TMEM242: variants seen among roughly 807,000 people sequenced by gnomAD.
The protein encoded by TMEM242 is transmembrane protein 242.
A neutral mutation model predicts 18.2 loss-of-function variants in TMEM242; 10 were observed. The observed-to-expected ratio is 0.55, with a 90% CI of 0.34 to 0.93. TMEM242 has a LOEUF of 0.93. Among genes scored for constraint, TMEM242 ranks in the 40% least tolerant of loss-of-function variants. TMEM242 has a pLI of 0.02. For missense variants in TMEM242, 186 were observed against 175.5 expected, an observed-to-expected ratio of 1.06 and a Z score of -0.34; for synonymous variants, 57 against 69.9, an observed-to-expected ratio of 0.81 and a Z score of 0.92.
chr6:157,299,340 G>T, intron 3 of TMEM242: 1 of 955,384 alleles, frequency 1.0e-6, no homozygotes, highest in South Asian at 1.3e-5. Flanking sequence ...CATTGTTCAG[G>T]ATCTTTATCA....
chr6:157,298,764 T>A (rs758224096), intron 3 of TMEM242, among the ~76,000 whole-genome samples: 3 of 152,180 alleles, frequency 2.0e-5, no homozygotes, highest in Admixed American at 1.3e-4. Context: ...AATAAATACT[T>A]ACATCCTACT....
intron 3 of TMEM242, among the ~76,000 whole-genome samples, chr6:157,296,646 G>A (rs1777753717): frequency 6.6e-6 from 1 of 152,212 alleles, no homozygotes; most frequent in Non-Finnish European, 1.5e-5. Context: ...GCATGCCACT[G>A]CACTCCAGCC....
At chr6:157,323,365 G>C (rs587600195) in intron 1 of TMEM242, 47 bp downstream of exon 1, 1 of 1,593,358 alleles carries the variant, frequency 6.3e-7, no homozygotes, top group African/African-American at 1.3e-5. Flanking sequence ...GCCAGGGTCC[G>C]GGGTTAACTC....
intron 3 of TMEM242, among the ~76,000 whole-genome samples, chr6:157,312,624 G>A (rs1438621938): frequency 4.1e-5 from 3 of 73,478 alleles, no homozygotes; most frequent in Non-Finnish European, 5.9e-5. Context: ...CCTCACCATA[G>A]TGTCGCAGTG....
chr6:157,299,905 G>A (rs1166862332), intron 3 of TMEM242: 7 of 1,612,214 alleles, frequency 4.3e-6, no homozygotes, highest in Middle Eastern at 1.8e-4. Context: ...TGCTGGTAGC[G>A]CAGGCCATGC....
intron 3 of TMEM242, among the ~76,000 whole-genome samples, chr6:157,311,374 G>GCCC (rs1562382968): frequency 6.6e-5 from 7 of 106,282 alleles, no homozygotes; most frequent in Non-Finnish European, 1.2e-4. Context: ...TCATCATAGT[G>GCCC]TTCCAGTGTG....
In TMEM242 at chr6:157,318,882, G is replaced by C. The variant is rs782027832; in HGVS notation, c.227C>G (p.Ser76Cys). The C allele has an allele frequency of 4.3e-6, 7 of 1,610,380 alleles. No individual in the cohort carries two copies. The highest frequency in any genetic ancestry group is 5.9e-6 in the Non-Finnish European group (7 of 1,178,980). The change falls in exon 3 of 4, where the codon TCT becomes TGT. Residue 76 changes from serine to cysteine, a missense_variant. Ser to Cys is a moderately radical substitution (Grantham distance 112). Transcript: ENST00000400788. Reference sequence around the variant, plus strand: ...GCCCAGAGCTCGCAAGGCAAGGGAAGACCCGCTTTCCGGTAATGCAGCCGT... The same window carrying C: ...GCCCAGAGCTCGCAAGGCAAGGGAACACCCGCTTTCCGGTAATGCAGCCGT... The part of the protein sequence containing the change: ...MATAALPESG[S>C]SLALRALGWG...
At chr6:157,310,582 T>A (rs1778000685) in intron 3 of TMEM242, among the ~76,000 whole-genome samples, 1 of 147,814 alleles carries the variant, frequency 6.8e-6, no homozygotes, top group African/African-American at 2.7e-5. Context: ...CAGTGTGCGC[T>A]CACCCGGCCT....
rs1777656114 is a variant in TMEM242 at position 157,289,541 on chromosome 6, A to G, written c.*3360T>C. On this transcript the variant is annotated 3_prime_UTR_variant, in exon 4 of 4. Coordinates refer to ENST00000400788, the MANE Select transcript of TMEM242 (RefSeq NM_018452.6). ...TACCTGATTTTCATTTGTACTTAAC[A>G]ATTTGTCTTAAAGATGATACATAAA... is the stretch of plus-strand genomic sequence containing the variant. The G allele has an allele frequency of 6.6e-6, 1 of 152,214 alleles. No individual in the cohort carries two copies. Among genetic ancestry groups the G allele is most frequent in the Non-Finnish European group, 1.5e-5 (1 of 68,044 alleles). The allele number at this position is 152,214 out of a possible 1,614,324, so 9.4% of individuals were successfully genotyped here. A position where few individuals can be genotyped will look rare whatever the true frequency, so the allele number is the denominator to read the frequency against.
intron 3 of TMEM242, among the ~76,000 whole-genome samples, chr6:157,313,355 C>A (rs1554249721): frequency 4.0e-5 from 6 of 148,912 alleles, no homozygotes; most frequent in Admixed American, 1.3e-4. Context: ...AGTGTGCGCT[C>A]ACCTGGCCTC....
intron 3 of TMEM242, among the ~76,000 whole-genome samples, chr6:157,317,799 A>C (rs1554250479): frequency 3.9e-5 from 6 of 152,182 alleles, no homozygotes; most frequent in African/African-American, 1.4e-4. Flanking sequence ...ATGACATCCA[A>C]CTTCACTCTT....
intron 3 of TMEM242, among the ~76,000 whole-genome samples, chr6:157,313,577 G>A (rs1554249842): frequency 2.7e-5 from 4 of 149,650 alleles, no homozygotes; most frequent in African/African-American, 9.9e-5. Context: ...TCATCATAGT[G>A]TCCCAGTGTG....
chr6:157,318,478 C>G (rs1778442179), intron 3 of TMEM242: 1 of 379,704 alleles, frequency 2.6e-6, no homozygotes, highest in African/African-American at 2.1e-5. Context: ...CTGCCGCAGG[C>G]TCCCAAGGTG....
chr6:157,296,963 CT>C, intron 3 of TMEM242, among the ~76,000 whole-genome samples: 1 of 152,150 alleles, frequency 6.6e-6, no homozygotes, highest in Admixed American at 6.5e-5. Context: ...ATACAATGGC[CT>C]TTTTAGACAT....
In TMEM242 at chr6:157,304,479, AAAAAAAAAAAAAGAG is replaced by A. The variant is rs1470461007; in HGVS notation, c.328-11495_328-11481del. On this transcript the variant is annotated intron_variant, in intron 3 of 3. Transcript: ENST00000400788. ...GACTCTGTCAAAAAAAAAAAAAAAA[AAAAAAAAAAAAAGAG>A]AGAGAGAGAGAGTGCCACTGAAATG... Among the ~76,000 whole-genome samples the A allele has an allele frequency of 2.5e-4, 32 of 126,024 alleles. No individual in the cohort carries two copies. In the East Asian group the frequency reaches 4.2e-3, roughly 16 times the overall value. The allele number at this position is 126,024 out of a possible 152,430, so 82.7% of individuals were successfully genotyped here.
chr6:157,299,676 G>C, intron 3 of TMEM242: 7 of 1,610,412 alleles, frequency 4.3e-6, no homozygotes, highest in Non-Finnish European at 5.9e-6. Context: ...GCCACATTTC[G>C]CTGGACTAAA....
chr6:157,301,563 C>T (rs1478761898), intron 3 of TMEM242, among the ~76,000 whole-genome samples: 4 of 152,274 alleles, frequency 2.6e-5, no homozygotes, highest in South Asian at 2.1e-4. Context: ...CTGCCTGTCT[C>T]GGCCTCCCAA....
intron 3 of TMEM242, among the ~76,000 whole-genome samples, chr6:157,312,849 T>G (rs797041709): frequency 1.1e-4 from 2 of 18,638 alleles, no homozygotes; most frequent in Admixed American, 4.1e-4. Context: ...TGCACTCACC[T>G]GGCCTCATCA....
intron 1 of TMEM242, among the ~76,000 whole-genome samples, chr6:157,323,105 GGGA>G (rs1353962133): frequency 2.0e-5 from 3 of 152,246 alleles, no homozygotes; most frequent in Middle Eastern, 3.4e-3. Context: ...GTTTCTCACG[GGGA>G]GGAGAAGAGA....
Sources: gnomAD v4.1 joint callset for allele counts (sites outside exome capture counted in the v4.1 genomes callset) on GRCh38, gnomAD v4.1.1 for gene constraint, MANE v1.5 for transcripts, NCBI Gene and HGNC (gene_info 2026-07-23, HGNC 2026-07-21) for gene names.